ADAMTS17: variants seen among roughly 807,000 people sequenced by gnomAD.
The protein encoded by ADAMTS17 is ADAM metallopeptidase with thrombospondin type 1 motif 17, also known as A disintegrin and metalloproteinase with thrombospondin motifs 17.
Under a neutral mutation model 141.5 loss-of-function variants are expected in ADAMTS17, and 113 were observed. That is an observed-to-expected ratio of 0.80 (90% CI 0.69 to 0.93). The LOEUF is 0.93. ADAMTS17 is among the 40% of genes least tolerant of loss of function. ADAMTS17 has a pLI of 0.00. For missense variants in ADAMTS17, 1,659 were observed against 1,517.9 expected, an observed-to-expected ratio of 1.09 and a Z score of -1.54; for synonymous variants, 768 against 630.6, an observed-to-expected ratio of 1.22 and a Z score of -3.27.
intron 18 of ADAMTS17, among the ~76,000 whole-genome samples, chr15:100,021,524 T>G (rs143261993): frequency 2.7e-3 from 411 of 152,238 alleles, no homozygotes; most frequent in Non-Finnish European, 4.2e-3. Flanking sequence ...AACCTATGCT[T>G]CTCTGCCACA....
At position 99,971,602 on chromosome 15, in the gene ADAMTS17, T is replaced by C. The variant is rs2060205146; in HGVS notation, c.*2800A>G. 6.6e-6 allele frequency: 1 copy of C among 152,212 alleles called. No individual in the cohort carries two copies. Among genetic ancestry groups the C allele is most frequent in the Non-Finnish European group, 1.5e-5 (1 of 68,042 alleles). 9.4% of individuals were successfully genotyped at this position (152,212 alleles called of 1,614,324 possible). A position where few individuals can be genotyped will look rare whatever the true frequency, so the allele number is the denominator to read the frequency against. ...AAACAAAAATTCCATGGGTACAGTATGTAATGCAAGTTAACGAATGGAAAA... is the reference window on the plus strand; with the variant it reads ...AAACAAAAATTCCATGGGTACAGTACGTAATGCAAGTTAACGAATGGAAAA... On this transcript the variant is annotated 3_prime_UTR_variant, in exon 22 of 22. Transcript: ENST00000268070.
At chr15:100,153,638 T>G (rs1052587868) in intron 9 of ADAMTS17, among the ~76,000 whole-genome samples, 4 of 151,226 alleles carry the variant, frequency 2.6e-5, no homozygotes, top group Non-Finnish European at 5.9e-5. Context: ...AGTGAGACTC[T>G]GACTCATAAA....
chr15:100,071,191 GGAA>G (rs1436801620), intron 15 of ADAMTS17, among the ~76,000 whole-genome samples: 1 of 150,348 alleles, frequency 6.7e-6, no homozygotes, highest in Middle Eastern at 3.2e-3. Context: ...GACTAAACCA[GGAA>G]GAAGTTGAAT....
chr15:100,188,813 C>T (rs904761731), intron 8 of ADAMTS17, among the ~76,000 whole-genome samples: 5 of 152,216 alleles, frequency 3.3e-5, no homozygotes, highest in African/African-American at 1.2e-4. Context: ...TAGCACTGCA[C>T]AGGCAGCAAA....
chr15:100,041,708 C>T (rs928247977), intron 18 of ADAMTS17, among the ~76,000 whole-genome samples: 4 of 152,082 alleles, frequency 2.6e-5, no homozygotes, highest in African/African-American at 4.8e-5. Flanking sequence ...ATCTGCCATG[C>T]GTGTCAGACT....
rs747077641 is a variant in ADAMTS17 at position 99,974,331 on chromosome 15, G to A, written c.*71C>T. 4.4e-5 allele frequency: 70 copies of A among 1,604,678 alleles called. No individual in the cohort carries two copies. Among genetic ancestry groups the A allele is most frequent in the Non-Finnish European group, 5.4e-5 (64 of 1,174,886 alleles). ...CAGCCGGGTGGGGGCGTGGCCACAA[G>A]GCTGGTAGGCTTGCGGGTGGGTGGG... On this transcript the variant is annotated 3_prime_UTR_variant, in exon 22 of 22. Transcript: ENST00000268070.
chr15:100,283,073 T>C (rs538288207), intron 3 of ADAMTS17, among the ~76,000 whole-genome samples: 1 of 152,214 alleles, frequency 6.6e-6, no homozygotes, highest in Admixed American at 6.5e-5. Context: ...TATCATTGAG[T>C]TTGAGAAAAA....
chr15:100,145,581 T>C (rs1394890108), intron 10 of ADAMTS17, among the ~76,000 whole-genome samples: 6 of 152,244 alleles, frequency 3.9e-5, no homozygotes, highest in South Asian at 2.1e-4. Context: ...TCTGGAGATA[T>C]AGGATGGTCA....
At chr15:100,265,447 G>A (rs901297856) in intron 4 of ADAMTS17, among the ~76,000 whole-genome samples, 5 of 152,312 alleles carry the variant, frequency 3.3e-5, no homozygotes, top group East Asian at 3.9e-4. Flanking sequence ...CAGCTCTGGC[G>A]GCATCCCAGC....
intron 8 of ADAMTS17, among the ~76,000 whole-genome samples, chr15:100,160,911 T>G (rs2039662280): frequency 6.6e-6 from 1 of 152,134 alleles, no homozygotes; most frequent in Non-Finnish European, 1.5e-5. Context: ...TATTTTTAGT[T>G]TAAATTAAAG....
intron 7 of ADAMTS17, among the ~76,000 whole-genome samples, chr15:100,239,158 G>A (rs2042750754): frequency 6.6e-6 from 1 of 152,250 alleles, no homozygotes; most frequent in South Asian, 2.1e-4. Flanking sequence ...GCCTAGCTTG[G>A]CTGCTTACAA....
At chr15:100,179,885 T>A (rs952320443) in intron 8 of ADAMTS17, among the ~76,000 whole-genome samples, 1 of 152,242 alleles carries the variant, frequency 6.6e-6, no homozygotes, top group African/African-American at 2.4e-5. Flanking sequence ...TAAGATTTTT[T>A]CCTAAGAGTT....
intron 15 of ADAMTS17, among the ~76,000 whole-genome samples, chr15:100,069,965 C>T (rs577532195): frequency 2.7e-5 from 4 of 150,210 alleles, no homozygotes; most frequent in African/African-American, 7.4e-5. Flanking sequence ...GATAAAGAGT[C>T]AAGACCCATC....
At chr15:100,148,532 T>TA (rs1782615428) in intron 10 of ADAMTS17, among the ~76,000 whole-genome samples, 1 of 151,912 alleles carries the variant, frequency 6.6e-6, no homozygotes, top group African/African-American at 2.4e-5. Flanking sequence ...TTTTTTTTTT[T>TA]AGTACTTTAC....
intron 15 of ADAMTS17, among the ~76,000 whole-genome samples, chr15:100,074,530 TTAATA>T (rs2141757850): frequency 6.6e-6 from 1 of 152,146 alleles, no homozygotes; most frequent in East Asian, 1.9e-4. Flanking sequence ...TATAATTATA[TTAATA>T]TATTTTCTAA....
At chr15:100,195,528 A>ACATTTT (rs2041078700) in intron 8 of ADAMTS17, among the ~76,000 whole-genome samples, 1 of 142,890 alleles carries the variant, frequency 7.0e-6, no homozygotes, top group Admixed American at 6.8e-5. Flanking sequence ...GATCATTTTC[A>ACATTTT]CATTTTCACA....
intron 15 of ADAMTS17, among the ~76,000 whole-genome samples, chr15:100,094,823 C>G (rs969154121): frequency 3.9e-5 from 6 of 152,224 alleles, no homozygotes; most frequent in Non-Finnish European, 8.8e-5. Flanking sequence ...GTCAAATTCT[C>G]ATGGGAGCCC....
At chr15:100,189,906 GGTTGCCTGCCTCA>G (rs1340755754) in intron 8 of ADAMTS17, among the ~76,000 whole-genome samples, 3 of 152,182 alleles carry the variant, frequency 2.0e-5, no homozygotes, top group East Asian at 1.9e-4. Context: ...TTCTCCCAGT[GGTTGCCTGCCTCA>G]GTTGCCTGCA....
chr15:100,135,315 G>A (rs926242791), intron 10 of ADAMTS17, among the ~76,000 whole-genome samples: 3 of 147,350 alleles, frequency 2.0e-5, no homozygotes, highest in South Asian at 2.2e-4. Flanking sequence ...ACAGAGTCTC[G>A]CTCTGTCGCC....
Sources: allele counts gnomAD v4.1 joint callset (sites outside exome capture counted in the v4.1 genomes callset), GRCh38; gene constraint gnomAD v4.1.1; transcripts MANE v1.5; gene names NCBI Gene and HGNC (gene_info 2026-07-23, HGNC 2026-07-21).